Variants in MACROD2 observed in about 807,000 individuals in gnomAD.
The protein encoded by MACROD2 is mono-ADP ribosylhydrolase 2, also known as ADP-ribose glycohydrolase MACROD2.
A neutral mutation model predicts 70.4 loss-of-function variants in MACROD2; 36 were observed. The observed-to-expected ratio is 0.51, with a 90% CI of 0.39 to 0.68. The LOEUF is 0.68. Ranked by LOEUF, MACROD2 falls within the 30% of genes least tolerant of loss-of-function variation. MACROD2 has a pLI of 0.00. For synonymous variants in MACROD2, 172 were observed against 178.8 expected (o/e 0.96, Z 0.30); for missense variants, 496 against 538.4 (o/e 0.92, Z 0.78).
chr20:15,613,975 G>A (rs460770), intron 8 of MACROD2, among the ~76,000 whole-genome samples: 7,057 of 152,284 alleles, frequency 0.046, 323 homozygotes, highest in African/African-American at 0.12. Flanking sequence ...AGCAGGTGGT[G>A]TGAATGAGAG....
At chr20:14,643,994 A>G (rs1245700607) in intron 4 of MACROD2, among the ~76,000 whole-genome samples, 1 of 152,218 alleles carries the variant, frequency 6.6e-6, no homozygotes, top group African/African-American at 2.4e-5. Context: ...TAAGATTATT[A>G]TGTGAATTAA....
rs906490173 is a variant in MACROD2, at chr20:14,525,003, T to C, written c.301+31495T>C. On this transcript the variant is annotated intron_variant, in intron 4 of 17. Transcript: ENST00000684519. ...GTTAGGAAGAGCCCCCATTTTCTTA[T>C]CTTTATGTTGAAAACGCAGGGTGAT... 2.6e-5 allele frequency among the ~76,000 whole-genome samples: 4 copies of C among 152,262 alleles called. No homozygotes were observed. In the East Asian group the frequency reaches 7.7e-4, roughly 29 times the overall value.
chr20:14,937,149 G>A (rs1385218712), intron 5 of MACROD2, among the ~76,000 whole-genome samples: 1 of 152,062 alleles, frequency 6.6e-6, no homozygotes, highest in Non-Finnish European at 1.5e-5. Flanking sequence ...GGTTGTTTTG[G>A]TGGATGCAGA....
chr20:14,362,921 C>G (rs2083236497), intron 3 of MACROD2, among the ~76,000 whole-genome samples: 1 of 152,116 alleles, frequency 6.6e-6, no homozygotes, highest in African/African-American at 2.4e-5. Flanking sequence ...CATATAAGTA[C>G]ATATAATTTA....
chr20:14,413,194 T>TG (rs1491103145), intron 3 of MACROD2, among the ~76,000 whole-genome samples: 1 of 28,768 alleles, frequency 3.5e-5, no homozygotes, highest in African/African-American at 9.1e-5. Context: ...TCTTTACCAC[T>TG]GTTTTTTTTT....
In MACROD2 at chr20:14,857,190, G is replaced by A. The variant is rs367923772; in HGVS notation, c.418+172231G>A. On this transcript the variant is annotated intron_variant, in intron 5 of 17. Coordinates refer to ENST00000684519, the MANE Select transcript of MACROD2 (RefSeq NM_001351661.2). ...GTTCTCCAAGGCTGATCATCTCACT[G>A]TCCTCCACACAGATTAGTTTTATTT... is the stretch of plus-strand genomic sequence containing the variant. Among the ~76,000 whole-genome samples, 55 of 152,204 alleles carry A rather than the reference G, an allele frequency of 3.6e-4. 1 individual carries two copies. The highest frequency in any genetic ancestry group is 1.2e-3 in the African/African-American group (50 of 41,556).
intron 3 of MACROD2, among the ~76,000 whole-genome samples, chr20:14,443,012 G>A (rs757181103): frequency 9.9e-5 from 15 of 151,586 alleles, no homozygotes; most frequent in Non-Finnish European, 1.6e-4. Context: ...CCGGGAGGCG[G>A]AGGTTGCAGT....
chr20:14,110,732 A>C (rs1239028172), intron 3 of MACROD2, among the ~76,000 whole-genome samples: 1 of 152,034 alleles, frequency 6.6e-6, no homozygotes, highest in African/African-American at 2.4e-5. Flanking sequence ...TAACACACAC[A>C]CAAAATGGAA....
intron 10 of MACROD2, among the ~76,000 whole-genome samples, chr20:15,904,997 C>T (rs2065125759): frequency 1.3e-5 from 2 of 152,008 alleles, no homozygotes; most frequent in African/African-American, 4.8e-5. Context: ...GGAATCAGAT[C>T]CCTGAATTCT....
intron 3 of MACROD2, among the ~76,000 whole-genome samples, chr20:14,241,949 A>G (rs913510984): frequency 3.3e-5 from 5 of 152,160 alleles, no homozygotes; most frequent in African/African-American, 1.2e-4. Context: ...GATGTCATAA[A>G]CCTTATGATT....
chr20:14,291,205 T>C (rs1345294655), intron 3 of MACROD2, among the ~76,000 whole-genome samples: 1 of 152,204 alleles, frequency 6.6e-6, no homozygotes, highest in Non-Finnish European at 1.5e-5. Flanking sequence ...TCAAAAAGGA[T>C]AGAAATTAGA....
At chr20:14,190,698 A>AT (rs1161419446) in intron 3 of MACROD2, among the ~76,000 whole-genome samples, 2 of 28,090 alleles carry the variant, frequency 7.1e-5, no homozygotes, top group African/African-American at 2.4e-4. Flanking sequence ...ATATATATAT[A>AT]TTTTTTTTTT....
intron 5 of MACROD2, among the ~76,000 whole-genome samples, chr20:14,767,422 G>A (rs2072105513): frequency 6.6e-6 from 1 of 151,976 alleles, no homozygotes; most frequent in Non-Finnish European, 1.5e-5. Context: ...AAATGCAAGT[G>A]AGGGAGTAAG....
chr20:15,538,407 A>G (rs995744625), intron 8 of MACROD2, among the ~76,000 whole-genome samples: 1 of 152,238 alleles, frequency 6.6e-6, no homozygotes, highest in Non-Finnish European at 1.5e-5. Context: ...TTCTTGCTCA[A>G]TGACCAAATA....
At chr20:15,609,156 A>AC (rs1005561269) in intron 8 of MACROD2, among the ~76,000 whole-genome samples, 1 of 151,662 alleles carries the variant, frequency 6.6e-6, no homozygotes, top group African/African-American at 2.4e-5. Flanking sequence ...TGGCCCACCC[A>AC]CCCCCAGGTG....
intron 2 of MACROD2, among the ~76,000 whole-genome samples, chr20:14,008,693 G>A (rs1273124620): frequency 6.6e-6 from 1 of 152,112 alleles, no homozygotes; most frequent in African/African-American, 2.4e-5. Flanking sequence ...AAAGCTAGAG[G>A]CATCACGCTA....
intron 5 of MACROD2, among the ~76,000 whole-genome samples, chr20:15,109,700 T>C (rs1170873806): frequency 6.6e-6 from 1 of 152,138 alleles, no homozygotes; most frequent in Non-Finnish European, 1.5e-5. Context: ...AACAACTGCA[T>C]ATATGCATAA....
chr20:14,685,376 G>T (rs756030111), intron 5 of MACROD2, among the ~76,000 whole-genome samples: 1 of 152,100 alleles, frequency 6.6e-6, no homozygotes, highest in Non-Finnish European at 1.5e-5. Flanking sequence ...AGATCAAAGT[G>T]ATGTATTGTT....
chr20:14,084,552 C>G (rs2054051849), intron 2 of MACROD2, among the ~76,000 whole-genome samples: 1 of 147,992 alleles, frequency 6.8e-6, no homozygotes. Context: ...ACAGCTTTTA[C>G]TAGATTTATC....
Sources: gnomAD v4.1 joint callset for allele counts (sites outside exome capture counted in the v4.1 genomes callset) on GRCh38, gnomAD v4.1.1 for gene constraint, MANE v1.5 for transcripts, NCBI Gene and HGNC (gene_info 2026-07-23, HGNC 2026-07-21) for gene names.